HSP90B1: variants seen among roughly 807,000 people sequenced by gnomAD.
HSP90B1 encodes endoplasmin.
HSP90B1 carries 27 observed loss-of-function variants against 100.4 expected under a neutral mutation model. That is an observed-to-expected ratio of 0.27 (90% CI 0.20 to 0.37). The LOEUF (loss-of-function observed/expected upper bound fraction) is 0.37, where lower values mean the gene tolerates loss of function less well. Among genes scored for constraint, HSP90B1 ranks in the 10% least tolerant of loss-of-function variants. The pLI is 1.00. For missense variants in HSP90B1, 678 were observed against 960.5 expected, an observed-to-expected ratio of 0.71 and a Z score of 3.89; for synonymous variants, 304 against 330.8, an observed-to-expected ratio of 0.92 and a Z score of 0.88.
intron 4 of HSP90B1, among the ~76,000 whole-genome samples, chr12:103,933,278 T>G (rs1179766042): frequency 6.6e-6 from 1 of 152,250 alleles, no homozygotes; most frequent in African/African-American, 2.4e-5. Context: ...GCCCCTGGCT[T>G]AAATCATTGA....
Position 103,941,616 on chromosome 12 carries a change from T to C in HSP90B1, c.1231-13T>C. On this transcript the variant is annotated splice_polypyrimidine_tract_variant and intron_variant, in intron 9 of 17. Coordinates refer to ENST00000299767, the MANE Select transcript of HSP90B1 (RefSeq NM_003299.3). ...TTAATTTCCAGAAAGTGACTTTTTT[T>C]TGGTCTCTTTAGCTCTATGTGCGCC... The C allele has an allele frequency of 1.2e-6, 2 of 1,613,956 alleles. No homozygotes were observed. Among genetic ancestry groups the C allele is most frequent in the South Asian group, 1.1e-5 (1 of 91,062 alleles).
intron 8 of HSP90B1, among the ~76,000 whole-genome samples, chr12:103,941,045 C>A (rs1870060881): frequency 6.6e-6 from 1 of 152,194 alleles, no homozygotes. Context: ...CAAGGGCACA[C>A]TGAAGTGTTG....
rs1179666297 is a variant in HSP90B1 at position 103,931,501 on chromosome 12, T to C, written c.50-20T>C. On this transcript the variant is annotated intron_variant, in intron 1 of 17. Transcript: ENST00000299767. The stretch of plus-strand genomic sequence containing the variant: ...TGGAGAAGTGTGATGTTGAAGAGTT[T>C]GCCCGTGTTAAATCTTCAGGGTCGG... 1.3e-6 allele frequency: 2 copies of C among 1,576,900 alleles called. No homozygotes were observed. The highest frequency in any genetic ancestry group is 1.7e-5 in the Admixed American group (1 of 59,768).
At chr12:103,933,272 C>T (rs1313577276) in intron 4 of HSP90B1, among the ~76,000 whole-genome samples, 2 of 152,254 alleles carry the variant, frequency 1.3e-5, no homozygotes, top group Admixed American at 1.3e-4. Flanking sequence ...TTGCCAGCCC[C>T]TGGCTTAAAT....
At chr12:103,936,671 GC>G (rs1869927060) in intron 5 of HSP90B1, among the ~76,000 whole-genome samples, 1 of 150,678 alleles carries the variant, frequency 6.6e-6, no homozygotes, top group South Asian at 2.1e-4. Context: ...TCTAATGGGT[GC>G]CAGCTGTACA....
intron 3 of HSP90B1, among the ~76,000 whole-genome samples, 153 bp downstream of exon 3, chr12:103,932,571 T>A (rs184857931): frequency 6.9e-4 from 105 of 152,344 alleles, no homozygotes; most frequent in African/African-American, 2.3e-3. Flanking sequence ...CTACCAGATA[T>A]CTGGGAAGAA....
In HSP90B1 at chr12:103,930,589, G is replaced by GT. The variant is rs1566164070; in HGVS notation, c.49+26dup. On this transcript the variant is annotated intron_variant, in intron 1 of 17. Transcript: ENST00000299767. This position sits in a 1 kb window ranked among gnomAD's most constrained non-coding sequence, Gnocchi z 4.4. ...GGTGAGTGATTCTGGAGGAGCAGACGTCCCCCCTCCACACACGCGGCCGCT... is the reference window on the plus strand; with the variant it reads ...GGTGAGTGATTCTGGAGGAGCAGACGTTCCCCCCTCCACACACGCGGCCGCT... 10 of 1,598,182 alleles carry GT rather than the reference G, an allele frequency of 6.3e-6. No homozygotes were observed. The highest frequency in any genetic ancestry group is 1.1e-5 in the South Asian group (1 of 88,504).
rs1233170856 is a variant in HSP90B1, at chr12:103,947,759, C to T, written c.*97C>T. ...ACTTGTTTTGGATGCCCCCTAATCC[C>T]CTTCTCCCCTGCACTGTAAAATGTG... On this transcript the variant is annotated 3_prime_UTR_variant, in exon 18 of 18. Transcript: ENST00000299767. 2 of 1,013,496 alleles carry T rather than the reference C, an allele frequency of 2.0e-6. No homozygotes were observed. Among genetic ancestry groups the T allele is most frequent in the Admixed American group, 1.7e-5 (1 of 57,920 alleles). 62.8% of individuals were successfully genotyped at this position (1,013,496 alleles called of 1,614,324 possible).
chr12:103,941,473 A>G lies in HSP90B1; in HGVS notation c.1156A>G (p.Ile386Val), dbSNP rs748423891. The change falls in exon 9 of 18, where the codon ATT (isoleucine) becomes GTT (valine). Residue 386 changes from isoleucine (I) to valine (V), a missense_variant. By Grantham distance (29) the Ile-to-Val change is conservative. Coordinates refer to ENST00000299767, the MANE Select transcript of HSP90B1 (RefSeq NM_003299.3). The part of the protein sequence containing the change: ...TAEGEVTFKS[I>V]LFVPTSAPRG... ...TGAAGGGGAAGTTACCTTCAAATCA[A>G]TTTTATTTGTACCCACATCTGCTCC... 3 of 1,613,660 alleles carry G rather than the reference A, an allele frequency of 1.9e-6. No homozygotes were observed. The highest frequency in any genetic ancestry group is 2.5e-6 in the Non-Finnish European group (3 of 1,179,926).
chr12:103,931,687 TTCTTATGTA>T (rs776828875), intron 2 of HSP90B1, 64 bp downstream of exon 2: 1 of 1,125,106 alleles, frequency 8.9e-7, no homozygotes, highest in Non-Finnish European at 1.3e-6. Context: ...TTACGGTCAC[TTCTTATGTA>T]TCTCTTCTCC....
rs79594956 is a variant in HSP90B1 at position 103,942,432 on chromosome 12, C to A, written c.1375-95C>A. 1,302 of 1,105,640 alleles carry A rather than the reference C, an allele frequency of 1.2e-3. 12 individuals are homozygous for A. The African/African-American group carries it at 0.017, about 15-fold the overall frequency. The allele number at this position is 1,105,640 out of a possible 1,614,324, so 68.5% of individuals were successfully genotyped here. A position where few individuals can be genotyped will look rare whatever the true frequency, so the allele number is the denominator to read the frequency against. ...CCTCAATAAATGGCAATAACGATAT[C>A]GTCTTTGTGTTTTTCACACTCCTGC... On this transcript the variant is annotated intron_variant, in intron 11 of 17. Coordinates refer to ENST00000299767, the MANE Select transcript of HSP90B1 (RefSeq NM_003299.3).
At chr12:103,931,844 A>G in intron 2 of HSP90B1, 1 of 575,062 alleles carries the variant, frequency 1.7e-6, no homozygotes, top group Non-Finnish European at 3.2e-6. Flanking sequence ...TACTAGCACC[A>G]TAAACTTTGT....
At position 103,932,470 on chromosome 12, in the gene HSP90B1, T is replaced by C. The variant is rs752792986; in HGVS notation, c.294+52T>C. 1.7e-5 allele frequency: 25 copies of C among 1,502,126 alleles called. No individual in the cohort carries two copies. The Middle Eastern group carries it at 1.1e-3, about 63-fold the overall frequency. The allele number at this position is 1,502,126 out of a possible 1,614,324, so 93.0% of individuals were successfully genotyped here. On this transcript the variant is annotated intron_variant, in intron 3 of 17. Coordinates refer to ENST00000299767, the MANE Select transcript of HSP90B1 (RefSeq NM_003299.3). ...TATCTCTGTATGGTGGCATACTTGT[T>C]TACTTAAATTTGCTTAATTTACTGC...
chr12:103,941,743 G>A (rs761307513), intron 10 of HSP90B1, 37 bp downstream of exon 10: 1 of 1,603,882 alleles, frequency 6.2e-7, no homozygotes, highest in Non-Finnish European at 8.5e-7. Flanking sequence ...GGTGATTGTT[G>A]TGGGGGTCTG....
Position 103,946,934 on chromosome 12 carries a change from A to T in HSP90B1, c.2255A>T (p.Asp752Val), listed in dbSNP as rs748988664. Reference protein sequence around the residue: ...MLRLSLNIDPDAKVEEEPEEE... With the variant: ...MLRLSLNIDPVAKVEEEPEEE... ...CGCCTCAGTTTGAACATTGACCCTG[A>T]TGCAAAGGTTTGTATCCCCAACCTT... Residue 752 changes from aspartate (D) to valine (V), a missense_variant, in exon 16 of 18, where the codon GAT becomes GTT. Physicochemically the swap from Asp to Val is radical, Grantham distance 152 (BLOSUM62 -3). This residue lies in a region of HSP90B1 where 65 missense variants were observed against 65.1 expected (regional missense o/e 1.00). Transcript: ENST00000299767. The T allele has an allele frequency of 2.5e-6, 4 of 1,612,282 alleles. No individual in the cohort carries two copies. Among genetic ancestry groups the T allele is most frequent in the Non-Finnish European group, 3.4e-6 (4 of 1,179,502 alleles).
intron 14 of HSP90B1, 23 bp from the exon 15 acceptor site, chr12:103,946,595 T>G (rs548438460): frequency 6.5e-7 from 1 of 1,537,528 alleles, no homozygotes; most frequent in African/African-American, 1.4e-5. Flanking sequence ...GTTTTGTTAA[T>G]GTTCATTTTT....
At position 103,942,865 on chromosome 12, in the gene HSP90B1, G is replaced by A. The variant is rs148043896; in HGVS notation, c.1644+69G>A. 19 of 1,563,470 alleles carry A rather than the reference G, an allele frequency of 1.2e-5. 1 individual carries two copies. In the South Asian group the frequency reaches 1.7e-4, roughly 14 times the overall value. ...CTAGGGATTTATAGCCAACTCTTGA[G>A]GGGGAGAAAAGGAAAACTTAATTGT... On this transcript the variant is annotated intron_variant, in intron 12 of 17. Transcript: ENST00000299767.
intron 4 of HSP90B1, 50 bp from the exon 5 acceptor site, chr12:103,933,906 G>A: frequency 6.9e-7 from 1 of 1,449,686 alleles, no homozygotes; most frequent in Non-Finnish European, 9.5e-7. Context: ...TATTTGTTTG[G>A]CATAATGTAA....
At position 103,943,275 on chromosome 12, in the gene HSP90B1, G is replaced by C. The variant is rs757332238; in HGVS notation, c.1846G>C (p.Glu616Gln). Residue 616 changes from glutamate (E) to glutamine (Q), a missense_variant, in exon 13 of 18, where the codon GAG (glutamate) becomes CAG (glutamine). Physicochemically the swap from Glu to Gln is conservative, Grantham distance 29. This residue lies in a region of HSP90B1 where 170 missense variants were observed against 236.7 expected (regional missense o/e 0.72). Transcript: ENST00000299767. The surrounding 1 kb of genome is among the most constrained non-coding windows in gnomAD (Gnocchi z 5.3). ...ESREAVEKEF[E>Q]PLLNWMKDKA... ...TCGTGAAGCAGTTGAGAAAGAATTTGAGCCTCTGCTGAATTGGATGAAAGA... is the reference window on the plus strand; with the variant it reads ...TCGTGAAGCAGTTGAGAAAGAATTTCAGCCTCTGCTGAATTGGATGAAAGA... 129 of 1,613,990 alleles carry C rather than the reference G, an allele frequency of 8.0e-5. No homozygotes were observed. Among genetic ancestry groups the C allele is most frequent in the Non-Finnish European group, 1.1e-4 (126 of 1,179,904 alleles).
Sources: gnomAD v4.1 joint callset for allele counts (sites outside exome capture counted in the v4.1 genomes callset) on GRCh38, gnomAD v4.1.1 for gene constraint, gnomAD v4.1.1 regional missense constraint, Gnocchi (gnomAD v3.1) non-coding constraint, MANE v1.5 for transcripts, NCBI Gene and HGNC (gene_info 2026-07-23, HGNC 2026-07-21) for gene names.